Variants in KANK1 observed in about 807,000 individuals in gnomAD.
KANK1 encodes the protein KN motif and ankyrin repeat domain-containing protein 1.
Under a neutral mutation model 106.2 loss-of-function variants are expected in KANK1, and 109 were observed. The observed-to-expected ratio is 1.03, with a 90% CI of 0.88 to 1.20. KANK1 has a LOEUF of 1.20. Ranked by LOEUF, KANK1 falls within the 50% of genes most tolerant of loss-of-function variation. KANK1 has a pLI of 0.00. For synonymous variants in KANK1, 873 were observed against 652.2 expected (o/e 1.34, Z -5.16); for missense variants, 2,399 against 1,710.7 (o/e 1.40, Z -7.10).
chr9:534,118 A>T (rs2060189321), intron 1 of KANK1, among the ~76,000 whole-genome samples: 1 of 152,224 alleles, frequency 6.6e-6, no homozygotes. Flanking sequence ...ATCTGCTTTG[A>T]TAACTGCCTA....
chr9:685,284 A>G (rs1450338973), intron 2 of KANK1, among the ~76,000 whole-genome samples: 1 of 152,196 alleles, frequency 6.6e-6, no homozygotes, highest in African/African-American at 2.4e-5. Context: ...CACCACTTAA[A>G]AATAAGTACG....
At chr9:660,843 C>A (rs557391998) in intron 1 of KANK1, among the ~76,000 whole-genome samples, 2 of 152,182 alleles carry the variant, frequency 1.3e-5, no homozygotes, top group South Asian at 4.1e-4. Context: ...AGGCCCCCTT[C>A]CCAATAGCGA....
chr9:573,163 A>G (rs974173022), intron 1 of KANK1, among the ~76,000 whole-genome samples: 10 of 152,240 alleles, frequency 6.6e-5, no homozygotes, highest in African/African-American at 1.9e-4. Context: ...GACAGTCTCT[A>G]TAATCAGAGA....
In KANK1 at chr9:628,936, T is replaced by A. The variant is rs146087774; in HGVS notation, c.-83-47954T>A. 3.9e-4 allele frequency among the ~76,000 whole-genome samples: 59 copies of A among 150,680 alleles called. 1 individual carries two copies. The East Asian group carries it at 0.012, about 30-fold the overall frequency. ...TCTACTAAAAATACAAAAAATTAGC[T>A]GGGCATGGTGATGGGCGCCTGTAAT... On this transcript the variant is annotated intron_variant, in intron 1 of 11. Transcript: ENST00000382297.
chr9:738,194 T>G, intron 7 of KANK1, 91 bp from the exon 8 acceptor site: 1 of 1,051,970 alleles, frequency 9.5e-7, no homozygotes, highest in South Asian at 1.5e-5. Context: ...ATATATACTT[T>G]GACTATAAAA....
chr9:729,928 C>G (rs1831744056), intron 3 of KANK1, 123 bp from the exon 4 acceptor site: 4 of 824,552 alleles, frequency 4.9e-6, no homozygotes, highest in South Asian at 1.8e-5. Flanking sequence ...AAAGGGGCTT[C>G]TGAGTTTTGG....
intron 1 of KANK1, among the ~76,000 whole-genome samples, chr9:653,431 TATAAG>T (rs748273644): frequency 3.3e-5 from 5 of 152,126 alleles, no homozygotes; most frequent in Admixed American, 6.5e-5. Context: ...TTTTTTGTCA[TATAAG>T]AGAAGATTAA....
chr9:496,212 A>C (rs1314737926), intron 3 of KANK1, among the ~76,000 whole-genome samples: 1 of 152,232 alleles, frequency 6.6e-6, no homozygotes, highest in Non-Finnish European at 1.5e-5. Flanking sequence ...ACTTAACTAC[A>C]GTGCCAAGCA....
intron 7 of KANK1, among the ~76,000 whole-genome samples, chr9:737,713 G>C (rs990802580): frequency 6.6e-6 from 1 of 152,190 alleles, no homozygotes; most frequent in Non-Finnish European, 1.5e-5. Context: ...GGCTATACAC[G>C]TACGGTCTCC....
At chr9:632,317 G>A (rs1221348614) in intron 1 of KANK1, among the ~76,000 whole-genome samples, 8 of 152,082 alleles carry the variant, frequency 5.3e-5, no homozygotes, top group Non-Finnish European at 1.0e-4. Context: ...GTAATTATTT[G>A]TCTCAATAAT....
intron 11 of KANK1, chr9:744,807 C>CAT: frequency 6.9e-7 from 1 of 1,442,204 alleles, no homozygotes; most frequent in African/African-American, 1.4e-5. Context: ...CCTTGCAAGA[C>CAT]ATATGCTCAC....
rs1421913140 is a variant in KANK1, at chr9:572,551, C to CA, written c.-84+67809dup. 4.7e-3 allele frequency among the ~76,000 whole-genome samples: 692 copies of CA among 147,690 alleles called. 1 individual carries two copies. Among genetic ancestry groups the CA allele is most frequent in the Non-Finnish European group, 7.1e-3 (475 of 66,874 alleles). On this transcript the variant is annotated intron_variant, in intron 1 of 11. Transcript: ENST00000382297. ...TGAGTGACAGAGCGAGACTCCATCT[C>CA]AAAAAAAAAAAATTTTTTTTGTAGA... is the stretch of plus-strand genomic sequence containing the variant.
intron 1 of KANK1, among the ~76,000 whole-genome samples, chr9:514,232 CTCCCTCCCTTCCTTCCTTCCTCCCTCCG>C (rs1563697283): frequency 5.9e-5 from 6 of 102,172 alleles, no homozygotes; most frequent in East Asian, 4.5e-4. Flanking sequence ...TCCTCCCTCC[CTCCCTCCCTTCCTTCCTTCCTCCCTCCG>C]TCCCTCCCTT....
At chr9:509,956 G>A (rs2058956111) in intron 1 of KANK1, among the ~76,000 whole-genome samples, 1 of 151,004 alleles carries the variant, frequency 6.6e-6, no homozygotes, top group South Asian at 2.1e-4. Flanking sequence ...ATGTGCCACT[G>A]CACTCAGCTA....
chr9:629,641 C>G (rs978602126), intron 1 of KANK1, among the ~76,000 whole-genome samples: 2 of 152,282 alleles, frequency 1.3e-5, no homozygotes, highest in Middle Eastern at 3.4e-3. Context: ...CAAATGATAC[C>G]TGATTCTCCC....
At chr9:734,610 G>A in intron 6 of KANK1, 138 bp from the exon 7 acceptor site, 1 of 575,318 alleles carries the variant, frequency 1.7e-6, no homozygotes, top group Admixed American at 2.9e-5. Context: ...AGGTTGCAGT[G>A]AGCCAAGATC....
chr9:688,545 G>A (rs535395964), intron 2 of KANK1, among the ~76,000 whole-genome samples: 9 of 150,112 alleles, frequency 6.0e-5, no homozygotes, highest in Non-Finnish European at 1.2e-4. Flanking sequence ...GGTGGAGGTC[G>A]CAGTGAGCCG....
chr9:555,513 T>C (rs1321716845), intron 1 of KANK1, among the ~76,000 whole-genome samples: 1 of 152,218 alleles, frequency 6.6e-6, no homozygotes. Flanking sequence ...TTAGGTAAAA[T>C]ACTATAGTTT....
At chr9:693,476 G>A in intron 2 of KANK1, 1 of 985,346 alleles carries the variant, frequency 1.0e-6, no homozygotes, top group South Asian at 4.7e-5. Flanking sequence ...TGCCTGAAGA[G>A]TATGAGGATA....
Sources: allele counts gnomAD v4.1 joint callset (sites outside exome capture counted in the v4.1 genomes callset), GRCh38; gene constraint gnomAD v4.1.1; transcripts MANE v1.5; gene names NCBI Gene and HGNC (gene_info 2026-07-23, HGNC 2026-07-21).